LDHC: variants seen among roughly 807,000 people sequenced by gnomAD.
LDHC encodes the protein L-lactate dehydrogenase C chain.
A neutral mutation model predicts 30.2 loss-of-function variants in LDHC; 20 were observed. The observed-to-expected ratio is 0.66, with a 90% CI of 0.47 to 0.96. The LOEUF is 0.96. LDHC is among the 40% of genes least tolerant of loss of function. LDHC has a pLI of 0.00. For missense variants in LDHC, 362 were observed against 394.9 expected, an observed-to-expected ratio of 0.92 and a Z score of 0.71; for synonymous variants, 139 against 132.7, an observed-to-expected ratio of 1.05 and a Z score of -0.32.
intron 3 of LDHC, among the ~76,000 whole-genome samples, chr11:18,426,038 T>C (rs1046753282): frequency 1.3e-5 from 2 of 152,106 alleles, no homozygotes; most frequent in Non-Finnish European, 2.9e-5. Flanking sequence ...AATTTTTTTT[T>C]TTTTTTACTT....
At chr11:18,433,960 T>G (rs1408239100) in intron 4 of LDHC, among the ~76,000 whole-genome samples, 1 of 152,226 alleles carries the variant, frequency 6.6e-6, no homozygotes, top group Non-Finnish European at 1.5e-5. Context: ...GTTTGGTTGT[T>G]TATTGTAATC....
chr11:18,449,787 C>A (rs1369457961), intron 7 of LDHC, among the ~76,000 whole-genome samples: 1 of 152,146 alleles, frequency 6.6e-6, no homozygotes, highest in African/African-American at 2.4e-5. Flanking sequence ...CTGAGTAGAG[C>A]CCCAGAGATG....
intron 6 of LDHC, among the ~76,000 whole-genome samples, chr11:18,444,649 T>TGC (rs1590236048): frequency 2.3e-5 from 3 of 129,732 alleles, no homozygotes; most frequent in South Asian, 2.5e-4. Flanking sequence ...TATATATATA[T>TGC]GCCTTATCTT....
chr11:18,435,508 C>A (rs772002608), intron 5 of LDHC, among the ~76,000 whole-genome samples: 1 of 151,944 alleles, frequency 6.6e-6, no homozygotes, highest in Non-Finnish European at 1.5e-5. Context: ...GGAAGCCAAG[C>A]AGATGCCAGC....
At chr11:18,449,057 G>A (rs1225026656) in intron 7 of LDHC, among the ~76,000 whole-genome samples, 1 of 151,796 alleles carries the variant, frequency 6.6e-6, no homozygotes, top group Non-Finnish European at 1.5e-5. Flanking sequence ...AGAGAGAAGA[G>A]AGATGACAGG....
chr11:18,432,957 T>C (rs1012362322), intron 4 of LDHC, among the ~76,000 whole-genome samples: 1 of 152,254 alleles, frequency 6.6e-6, no homozygotes, highest in Admixed American at 6.5e-5. Context: ...CATTCAGTGT[T>C]AGTATTGAAA....
chr11:18,438,977 G>GTTGTTTACTTATCTT (rs1217092370), intron 6 of LDHC, among the ~76,000 whole-genome samples: 1 of 152,112 alleles, frequency 6.6e-6, no homozygotes, highest in Non-Finnish European at 1.5e-5. Context: ...AATATCAGAA[G>GTTGTTTACTTATCTT]TTGTTTACTT....
At chr11:18,415,636 T>C (rs544667986) in intron 3 of LDHC, among the ~76,000 whole-genome samples, 1 of 152,212 alleles carries the variant, frequency 6.6e-6, no homozygotes, top group Non-Finnish European at 1.5e-5. Context: ...TTTGCCATGT[T>C]GGCCAGGCTG....
chr11:18,428,169 T>C (rs1275300198), intron 3 of LDHC, among the ~76,000 whole-genome samples: 26 of 125,776 alleles, frequency 2.1e-4, no homozygotes, highest in East Asian at 6.5e-4. Flanking sequence ...TCTCTCTCTT[T>C]TTTTTTTTTT....
chr11:18,421,182 T>C (rs879892895), intron 3 of LDHC, among the ~76,000 whole-genome samples: 1 of 151,884 alleles, frequency 6.6e-6, no homozygotes, highest in Admixed American at 6.6e-5. Context: ...GCCTCTCGAG[T>C]AGCTGAAATT....
rs1866917623 is a variant in LDHC, at chr11:18,412,803, G to C, written c.86G>C (p.Gly29Ala). 1 of 1,614,034 alleles carries C rather than the reference G, an allele frequency of 6.2e-7. No homozygotes were observed. Among genetic ancestry groups the C allele is most frequent in the Non-Finnish European group, 8.5e-7 (1 of 1,179,908 alleles). ...TGTAAAATTACTATTGTTGGAACTG[G>C]TGCCGTAGGCATGGCTTGTGCTATT... is the stretch of plus-strand genomic sequence containing the variant. ...SQCKITIVGT[G>A]AVGMACAISI... The change falls in exon 2 of 8, where the codon GGT becomes GCT. Residue 29 changes from glycine (G) to alanine (A), a missense_variant. Gly to Ala is a moderately conservative substitution (Grantham distance 60). Coordinates refer to ENST00000541669, the MANE Select transcript of LDHC (RefSeq NM_017448.5).
intron 4 of LDHC, 40 bp downstream of exon 4, chr11:18,429,950 C>T: frequency 8.3e-7 from 1 of 1,205,346 alleles, no homozygotes; most frequent in South Asian, 1.4e-5. Flanking sequence ...TAAGGATGAT[C>T]TTTCCATACC....
intron 6 of LDHC, among the ~76,000 whole-genome samples, chr11:18,440,283 C>A (rs113230785): frequency 0.15 from 22,697 of 151,726 alleles, 1,884 homozygotes; most frequent in African/African-American, 0.21. Flanking sequence ...CAGTGCACTC[C>A]AGCCTGGCAA....
At chr11:18,427,281 G>A (rs775951946) in intron 3 of LDHC, among the ~76,000 whole-genome samples, 3 of 152,182 alleles carry the variant, frequency 2.0e-5, no homozygotes, top group Non-Finnish European at 4.4e-5. Flanking sequence ...CTTGAACCTG[G>A]GAGGCGGAGG....
chr11:18,427,358 AAAAC>A (rs1201102434), intron 3 of LDHC, among the ~76,000 whole-genome samples: 6 of 152,180 alleles, frequency 3.9e-5, no homozygotes, highest in African/African-American at 9.7e-5. Flanking sequence ...GTGCCTCAAA[AAAAC>A]AAACAAACAA....
intron 4 of LDHC, among the ~76,000 whole-genome samples, chr11:18,430,590 A>C (rs1848248655): frequency 6.6e-6 from 1 of 152,088 alleles, no homozygotes. Flanking sequence ...CGGAACTCCT[A>C]AGCTCAGGCA....
chr11:18,427,230 C>T lies in LDHC; in HGVS notation c.245-2507C>T, dbSNP rs1214746837. ...AATTAGCCGGGCATGGTGGTGGGCT[C>T]CTGTAATCCCAGCTACTTGGGAGGC... On this transcript the variant is annotated intron_variant, in intron 3 of 7. Transcript: ENST00000541669. Among the ~76,000 whole-genome samples the T allele has an allele frequency of 2.6e-5, 4 of 152,022 alleles. No homozygotes were observed. The East Asian group carries it at 7.7e-4, about 29-fold the overall frequency.
rs893759231 is a variant in LDHC at position 18,451,685 on chromosome 11, C to T, written c.*558C>T. On this transcript the variant is annotated 3_prime_UTR_variant, in exon 8 of 8. Coordinates refer to ENST00000541669, the MANE Select transcript of LDHC (RefSeq NM_017448.5). The stretch of plus-strand genomic sequence containing the variant: ...AAATAAAAAGCTGAGTGCTGTGGCT[C>T]ATGGCTGTAATCCCAGTGCTTTGGG... 2 of 152,130 alleles carry T rather than the reference C, an allele frequency of 1.3e-5. No homozygotes were observed. Among genetic ancestry groups the T allele is most frequent in the Non-Finnish European group, 2.9e-5 (2 of 68,056 alleles). 9.4% of individuals were successfully genotyped at this position (152,130 alleles called of 1,614,324 possible).
chr11:18,416,503 G>A (rs781508211), intron 3 of LDHC, among the ~76,000 whole-genome samples: 11 of 152,188 alleles, frequency 7.2e-5, no homozygotes, highest in Non-Finnish European at 1.5e-4. Context: ...TGAGATTGAA[G>A]GCAGTTACCT....
Sources: gnomAD v4.1 joint callset for allele counts (sites outside exome capture counted in the v4.1 genomes callset) on GRCh38, gnomAD v4.1.1 for gene constraint, MANE v1.5 for transcripts, NCBI Gene and HGNC (gene_info 2026-07-23, HGNC 2026-07-21) for gene names.